Variants in PDE5A observed in about 807,000 individuals in gnomAD.
The protein encoded by PDE5A is cGMP-specific 3',5'-cyclic phosphodiesterase.
In PDE5A, 67 loss-of-function variants were observed where a neutral mutation model predicts 110.2. That is an observed-to-expected ratio of 0.61 (90% CI 0.50 to 0.75). The LOEUF is 0.75. Among genes scored for constraint, PDE5A ranks in the 30% least tolerant of loss-of-function variants. The pLI, the probability that PDE5A is intolerant of heterozygous loss-of-function variation, is 0.00. For synonymous variants in PDE5A, 328 were observed against 351.2 expected, an observed-to-expected ratio of 0.93 and a Z score of 0.74; for missense variants, 862 against 1,045.1, an observed-to-expected ratio of 0.82 and a Z score of 2.42.
At chr4:119,586,293 A>C (rs765826673) in intron 3 of PDE5A, among the ~76,000 whole-genome samples, 2 of 152,206 alleles carry the variant, frequency 1.3e-5, no homozygotes, top group Admixed American at 6.5e-5. Flanking sequence ...TTGCTCTTTG[A>C]TTTACATTCA....
chr4:119,537,072 T>G (rs754576051), intron 11 of PDE5A, among the ~76,000 whole-genome samples: 5 of 152,142 alleles, frequency 3.3e-5, no homozygotes, highest in Non-Finnish European at 5.9e-5. Context: ...CCTAGCCCTC[T>G]TCAAGGTCCT....
At chr4:119,530,177 T>C (rs1726480243) in intron 11 of PDE5A, among the ~76,000 whole-genome samples, 1 of 152,068 alleles carries the variant, frequency 6.6e-6, no homozygotes, top group Non-Finnish European at 1.5e-5. Flanking sequence ...CATATCACAG[T>C]GTGATGGGCA....
At chr4:119,625,300 C>T (rs1366375396) in intron 1 of PDE5A, among the ~76,000 whole-genome samples, 1 of 152,050 alleles carries the variant, frequency 6.6e-6, no homozygotes. Context: ...CCAGGCCCAA[C>T]CTATAGCTTT....
rs1730396818 is a variant in PDE5A, at chr4:119,627,415, C to G, written c.152+1105G>C. 1 of 491,062 alleles carries G rather than the reference C, an allele frequency of 2.0e-6. No individual in the cohort carries two copies. Among genetic ancestry groups the G allele is most frequent in the Non-Finnish European group, 2.6e-6 (1 of 377,798 alleles). The allele number at this position is 491,062 out of a possible 1,614,324, so 30.4% of individuals were successfully genotyped here. A position where few individuals can be genotyped will look rare whatever the true frequency, so the allele number is the denominator to read the frequency against. ...GCGCCGGCGAGTGGGACCCGGGCGT[C>G]GAACCCGGGCGGGCTCCTCGACCAT... On this transcript the variant is annotated intron_variant, in intron 1 of 20. Coordinates refer to ENST00000354960, the MANE Select transcript of PDE5A (RefSeq NM_001083.4). The surrounding 1 kb of genome is among the most constrained non-coding windows in gnomAD (Gnocchi z 4.6).
rs1346302456 is a variant in PDE5A at position 119,627,427 on chromosome 4, G to C, written c.152+1093C>G. 1.0e-5 allele frequency: 4 copies of C among 397,032 alleles called. No homozygotes were observed. In the East Asian group the frequency reaches 4.8e-4, roughly 48 times the overall value. The allele number at this position is 397,032 out of a possible 1,614,324, so 24.6% of individuals were successfully genotyped here. A position where few individuals can be genotyped will look rare whatever the true frequency, so the allele number is the denominator to read the frequency against. ...GGGACCCGGGCGTCGAACCCGGGCG[G>C]GCTCCTCGACCATCACTGCCGGGCG... On this transcript the variant is annotated intron_variant, in intron 1 of 20. Transcript: ENST00000354960. The surrounding 1 kb of genome is among the most constrained non-coding windows in gnomAD (Gnocchi z 4.6).
chr4:119,502,293 A>C (rs3733519), intron 19 of PDE5A: 2 of 246,358 alleles, frequency 8.1e-6, no homozygotes, highest in Non-Finnish European at 1.6e-5. Context: ...ATGATAATAC[A>C]TAAGAATATT....
intron 2 of PDE5A, among the ~76,000 whole-genome samples, chr4:119,604,958 C>T (rs1028075477): frequency 3.9e-5 from 6 of 152,104 alleles, no homozygotes; most frequent in Non-Finnish European, 8.8e-5. Flanking sequence ...TGTTAAGGTC[C>T]TTACTTCCTC....
chr4:119,503,993 G>A (rs1012878112), intron 18 of PDE5A, among the ~76,000 whole-genome samples: 1 of 151,820 alleles, frequency 6.6e-6, no homozygotes, highest in African/African-American at 2.4e-5. Flanking sequence ...TGCATGTCTG[G>A]TATATATGTA....
At chr4:119,602,961 A>G (rs561496560) in intron 2 of PDE5A, among the ~76,000 whole-genome samples, 1 of 152,288 alleles carries the variant, frequency 6.6e-6, no homozygotes, top group African/African-American at 2.4e-5. Flanking sequence ...TTTGCACTCT[A>G]ATTGACTTGG....
intron 6 of PDE5A, 113 bp downstream of exon 6, chr4:119,562,720 C>T: frequency 1.3e-6 from 1 of 762,188 alleles, no homozygotes; most frequent in East Asian, 2.9e-5. Flanking sequence ...CATATTCATA[C>T]ACATTTGGGT....
intron 2 of PDE5A, among the ~76,000 whole-genome samples, chr4:119,597,135 T>G (rs950216707): frequency 1.3e-5 from 2 of 152,106 alleles, no homozygotes; most frequent in African/African-American, 4.8e-5. Flanking sequence ...AATCCTTTAA[T>G]CTTTTGAATT....
intron 3 of PDE5A, among the ~76,000 whole-genome samples, chr4:119,595,188 C>G (rs7697823): frequency 0.98 from 148,744 of 152,258 alleles, 72,747 homozygotes; most frequent in East Asian, 1. Flanking sequence ...TTTGGTAACA[C>G]ACTAGATGGA....
intron 2 of PDE5A, among the ~76,000 whole-genome samples, chr4:119,597,259 C>T (rs1729184918): frequency 6.6e-6 from 1 of 150,720 alleles, no homozygotes; most frequent in Admixed American, 6.6e-5. Context: ...TTCCATTACA[C>T]TTTAGATTGG....
chr4:119,533,534 C>T (rs149817212), intron 11 of PDE5A, among the ~76,000 whole-genome samples: 383 of 152,166 alleles, frequency 2.5e-3, no homozygotes, highest in African/African-American at 8.8e-3. Context: ...ACTTTTAAAA[C>T]GGGAATGAGT....
intron 15 of PDE5A, 135 bp downstream of exon 15, chr4:119,510,912 T>C: frequency 3.5e-6 from 2 of 566,760 alleles, no homozygotes. Context: ...TGTTTTGGCT[T>C]CGCCTTCCTT....
At chr4:119,507,726 G>A (rs747900587) in intron 15 of PDE5A, 22 bp from the exon 16 acceptor site, 4 of 1,476,642 alleles carry the variant, frequency 2.7e-6, no homozygotes, top group Non-Finnish European at 3.7e-6. Flanking sequence ...AAGAAAACCA[G>A]TATTAACATC....
intron 1 of PDE5A, among the ~76,000 whole-genome samples, chr4:119,613,766 A>C (rs992752023): frequency 1.3e-5 from 2 of 151,986 alleles, no homozygotes; most frequent in Non-Finnish European, 2.9e-5. Flanking sequence ...CTGAAAAAAA[A>C]ACCATAATTT....
chr4:119,623,893 A>G (rs1309423547), intron 1 of PDE5A, among the ~76,000 whole-genome samples: 1 of 152,250 alleles, frequency 6.6e-6, no homozygotes, highest in African/African-American at 2.4e-5. Flanking sequence ...CATTGCATTA[A>G]TTCTACCACA....
At position 119,495,732 on chromosome 4, in the gene PDE5A, G is replaced by T. The variant is rs1483539910; in HGVS notation, c.*2869C>A. On this transcript the variant is annotated 3_prime_UTR_variant, in exon 21 of 21. Coordinates refer to ENST00000354960, the MANE Select transcript of PDE5A (RefSeq NM_001083.4). Reference sequence around the variant, plus strand: ...AGTGGTGACAACATCATCATCCTGGGTTTGTACCTTGAAGCAATATACTCA... The same window carrying T: ...AGTGGTGACAACATCATCATCCTGGTTTTGTACCTTGAAGCAATATACTCA... 6.6e-6 allele frequency: 1 copy of T among 152,218 alleles called. No homozygotes were observed. Among genetic ancestry groups the T allele is most frequent in the Non-Finnish European group, 1.5e-5 (1 of 68,010 alleles). 9.4% of individuals were successfully genotyped at this position (152,218 alleles called of 1,614,324 possible). A position where few individuals can be genotyped will look rare whatever the true frequency, so the allele number is the denominator to read the frequency against.
Sources: gnomAD v4.1 joint callset for allele counts (sites outside exome capture counted in the v4.1 genomes callset) on GRCh38, gnomAD v4.1.1 for gene constraint, Gnocchi (gnomAD v3.1) non-coding constraint, MANE v1.5 for transcripts, NCBI Gene and HGNC (gene_info 2026-07-23, HGNC 2026-07-21) for gene names.